RUNX1: variants seen among roughly 807,000 people sequenced by gnomAD.
The protein encoded by RUNX1 is RUNX family transcription factor 1.
Under a neutral mutation model 42.8 loss-of-function variants are expected in RUNX1, and 19 were observed. The ratio of observed to expected loss-of-function variants is 0.44; its 90% confidence interval spans 0.31 to 0.65. The LOEUF is 0.65. Ranked by LOEUF, RUNX1 falls within the 30% of genes least tolerant of loss-of-function variation. The probability of loss-of-function intolerance (pLI) is 0.07; values close to 1 mark genes in which losing one functional copy is unlikely to be tolerated. For synonymous variants in RUNX1, 271 were observed against 289.4 expected (o/e 0.94, Z 0.64); for missense variants, 528 against 672.0 (o/e 0.79, Z 2.37).
At chr21:34,816,502 GTCAC>G (rs1569021772) in intron 7 of RUNX1, among the ~76,000 whole-genome samples, 1 of 152,128 alleles carries the variant, frequency 6.6e-6, no homozygotes, top group African/African-American at 2.4e-5. Context: ...TTGGTGAAGC[GTCAC>G]TCAAACATGC....
chr21:34,799,529 A>T, intron 7 of RUNX1, 67 bp from the exon 8 acceptor site: 1 of 1,414,694 alleles, frequency 7.1e-7, no homozygotes, highest in Non-Finnish European at 1.0e-6. Flanking sequence ...TCTTTTAATA[A>T]GAAATGAGTG....
intron 5 of RUNX1, among the ~76,000 whole-genome samples, chr21:34,872,703 G>C (rs1459693224): frequency 6.6e-6 from 1 of 152,178 alleles, no homozygotes; most frequent in Non-Finnish European, 1.5e-5. Context: ...AGCTAGATGA[G>C]TTTCTCAATC....
At position 34,913,538 on chromosome 21, in the gene RUNX1, G is replaced by T. The variant is rs140913768; in HGVS notation, c.59-20575C>A. Reference sequence around the variant, plus strand: ...CTGGACACCACACGTCTTAAGCCTCGTCACCTTCTCTTTACTTTTTTGCCC... The same window carrying T: ...CTGGACACCACACGTCTTAAGCCTCTTCACCTTCTCTTTACTTTTTTGCCC... On this transcript the variant is annotated intron_variant, in intron 2 of 8. Coordinates refer to ENST00000675419, the MANE Select transcript of RUNX1 (RefSeq NM_001754.5). Among the ~76,000 whole-genome samples the T allele has an allele frequency of 7.1e-3, 1,077 of 152,238 alleles. 13 individuals are homozygous for T. Among genetic ancestry groups the T allele is most frequent in the African/African-American group, 0.025 (1,026 of 41,538 alleles).
At chr21:34,839,039 C>T (rs2057190698) in intron 6 of RUNX1, among the ~76,000 whole-genome samples, 2 of 152,046 alleles carry the variant, frequency 1.3e-5, no homozygotes, top group South Asian at 2.1e-4. Flanking sequence ...TTCCCCCACC[C>T]CAATTTCTTC....
At chr21:35,014,510 C>T (rs1194117320) in intron 2 of RUNX1, among the ~76,000 whole-genome samples, 1 of 152,184 alleles carries the variant, frequency 6.6e-6, no homozygotes, top group Non-Finnish European at 1.5e-5. Flanking sequence ...AGGAGATAAA[C>T]ATCCGGGCTC....
intron 2 of RUNX1, among the ~76,000 whole-genome samples, chr21:34,994,025 C>T (rs988236983): frequency 1.2e-4 from 19 of 152,164 alleles, no homozygotes; most frequent in East Asian, 5.8e-4. Context: ...CCCTCCGGGC[C>T]GGCTGGCAAC....
intron 5 of RUNX1, among the ~76,000 whole-genome samples, chr21:34,861,459 T>A (rs79760373): frequency 6.6e-6 from 1 of 152,152 alleles, no homozygotes; most frequent in Non-Finnish European, 1.5e-5. Context: ...ACTAACAGAT[T>A]GTCCTACAAG....
chr21:34,889,977 T>A, intron 3 of RUNX1: 1 of 471,410 alleles, frequency 2.1e-6, no homozygotes, highest in Non-Finnish European at 2.8e-6. Flanking sequence ...GCCCCTCAAT[T>A]AAGCTCCCCG....
chr21:34,893,311 GA>G (rs2058101381), intron 2 of RUNX1, among the ~76,000 whole-genome samples: 1 of 152,076 alleles, frequency 6.6e-6, no homozygotes, highest in Non-Finnish European at 1.5e-5. Context: ...GAATTCAAGG[GA>G]AAATTAAAAC....
intron 2 of RUNX1, among the ~76,000 whole-genome samples, chr21:34,930,268 A>ATT (rs2058430650): frequency 8.2e-6 from 1 of 121,280 alleles, no homozygotes; most frequent in African/African-American, 4.0e-5. Flanking sequence ...GTGTGTGTGT[A>ATT]TGTATATATA....
At chr21:34,885,737 G>A (rs1398600473) in intron 4 of RUNX1, among the ~76,000 whole-genome samples, 1 of 152,168 alleles carries the variant, frequency 6.6e-6, no homozygotes, top group African/African-American at 2.4e-5. Flanking sequence ...CTTTAAAGGG[G>A]ACAATTATTT....
At chr21:34,957,729 A>G (rs2058654923) in intron 2 of RUNX1, among the ~76,000 whole-genome samples, 2 of 152,162 alleles carry the variant, frequency 1.3e-5, no homozygotes, top group African/African-American at 4.8e-5. Flanking sequence ...AATGAGGCAC[A>G]CACCTCCTCT....
chr21:35,030,480 T>C (rs1400878971), intron 2 of RUNX1, among the ~76,000 whole-genome samples: 1 of 151,890 alleles, frequency 6.6e-6, no homozygotes. Flanking sequence ...AAAAAGGAGA[T>C]TGACTAAATA....
intron 6 of RUNX1, among the ~76,000 whole-genome samples, chr21:34,849,570 C>T (rs532272413): frequency 4.4e-5 from 6 of 137,712 alleles, no homozygotes; most frequent in Admixed American, 8.4e-5. Context: ...ACCAGTGACA[C>T]GGCATAATTT....
At chr21:34,830,559 C>A (rs2057049349) in intron 7 of RUNX1, among the ~76,000 whole-genome samples, 1 of 152,142 alleles carries the variant, frequency 6.6e-6, no homozygotes, top group Non-Finnish European at 1.5e-5. Context: ...CACTGGTCAG[C>A]CCTGTAGTAA....
intron 5 of RUNX1, among the ~76,000 whole-genome samples, chr21:34,875,292 T>C (rs774821046): frequency 5.9e-5 from 9 of 152,202 alleles, no homozygotes; most frequent in Non-Finnish European, 7.3e-5. Context: ...GAAACCGAAA[T>C]GAGAAACTTG....
At chr21:34,997,940 A>C (rs1459356449) in intron 2 of RUNX1, among the ~76,000 whole-genome samples, 1 of 152,144 alleles carries the variant, frequency 6.6e-6, no homozygotes, top group Non-Finnish European at 1.5e-5. Flanking sequence ...ATGGGGTGGA[A>C]GGACCAGGAC....
intron 5 of RUNX1, among the ~76,000 whole-genome samples, chr21:34,864,035 T>C (rs1241165992): frequency 6.6e-6 from 1 of 152,214 alleles, no homozygotes; most frequent in African/African-American, 2.4e-5. Context: ...TTACACGTCC[T>C]TTGTATTCTT....
At chr21:34,879,407 G>A (rs1254664320) in intron 5 of RUNX1, among the ~76,000 whole-genome samples, 1 of 151,994 alleles carries the variant, frequency 6.6e-6, no homozygotes, top group Non-Finnish European at 1.5e-5. Flanking sequence ...AGATAGCTAG[G>A]ATAGCAAAAA....
Sources: allele counts gnomAD v4.1 joint callset (sites outside exome capture counted in the v4.1 genomes callset), GRCh38; gene constraint gnomAD v4.1.1; transcripts MANE v1.5; gene names NCBI Gene and HGNC (gene_info 2026-07-23, HGNC 2026-07-21).